Variants in FAM227B observed in about 807,000 individuals in gnomAD.
FAM227B encodes the protein protein FAM227B.
FAM227B carries 88 observed loss-of-function variants against 73.8 expected under a neutral mutation model. The ratio of observed to expected loss-of-function variants is 1.19; its 90% CI spans 1.00 to 1.42. The LOEUF (loss-of-function observed/expected upper bound fraction) is 1.42, where lower values mean the gene tolerates loss of function less well. FAM227B is among the 40% of genes most tolerant of loss of function. The pLI is 0.00. For synonymous variants in FAM227B, 210 were observed against 190.5 expected (o/e 1.10, Z -0.84); for missense variants, 632 against 590.9 (o/e 1.07, Z -0.72).
rs1480379717 is a variant in FAM227B, at chr15:49,577,675, T to C, written c.406-11A>G. Reference sequence around the variant, plus strand: ...CATTTCATCTGAAAGCTGGAAAACATTTTAAATAAACTCTTTAAAACTCTA... The same window carrying C: ...CATTTCATCTGAAAGCTGGAAAACACTTTAAATAAACTCTTTAAAACTCTA... On this transcript the variant is annotated splice_polypyrimidine_tract_variant and intron_variant, in intron 5 of 15. Transcript: ENST00000299338. The C allele has an allele frequency of 2.6e-6, 4 of 1,526,248 alleles. No individual in the cohort carries two copies. The African/African-American group carries it at 5.6e-5, about 21-fold the overall frequency. 94.5% of individuals were successfully genotyped at this position (1,526,248 alleles called of 1,614,324 possible). A position where few individuals can be genotyped will look rare whatever the true frequency, so the allele number is the denominator to read the frequency against.
intron 11 of FAM227B, among the ~76,000 whole-genome samples, chr15:49,471,436 T>C (rs987510402): frequency 6.6e-6 from 1 of 150,916 alleles, no homozygotes; most frequent in Non-Finnish European, 1.5e-5. Context: ...TGCACCTAGA[T>C]GGCGCCACTG....
intron 9 of FAM227B, among the ~76,000 whole-genome samples, chr15:49,546,064 C>T (rs4461017): frequency 0.33 from 49,672 of 151,560 alleles, 8,909 homozygotes; most frequent in African/African-American, 0.46. Context: ...CCCATTAACT[C>T]GTCATTTAGC....
chr15:49,337,486 G>A (rs2039934624), intron 13 of FAM227B, among the ~76,000 whole-genome samples: 1 of 21,522 alleles, frequency 4.6e-5, no homozygotes, highest in Non-Finnish European at 1.1e-4. Flanking sequence ...CACTTGCAAT[G>A]TCTGTTCATA....
rs115428115 is a variant in FAM227B, at chr15:49,341,840, A to G, written c.1272-6344T>C. 2.0e-3 allele frequency among the ~76,000 whole-genome samples: 302 copies of G among 152,144 alleles called. 3 individuals carry two copies. Among genetic ancestry groups the G allele is most frequent in the African/African-American group, 7.0e-3 (290 of 41,508 alleles). ...GGGCAATTTGTTTGATTTTCATTCA[A>G]TTGTGTGGTTTTGGGAAATCTTTTT... On this transcript the variant is annotated intron_variant, in intron 13 of 15. Transcript: ENST00000299338.
intron 11 of FAM227B, among the ~76,000 whole-genome samples, chr15:49,447,378 A>C (rs1213565859): frequency 5.9e-5 from 9 of 151,672 alleles, no homozygotes; most frequent in Admixed American, 5.3e-4. Flanking sequence ...GAAGTAAGCA[A>C]AGATCACAGA....
chr15:49,357,778 C>A (rs2043432410), intron 13 of FAM227B, among the ~76,000 whole-genome samples: 1 of 151,830 alleles, frequency 6.6e-6, no homozygotes, highest in African/African-American at 2.4e-5. Context: ...AGCAGAGACA[C>A]AACAAAAAAA....
intron 12 of FAM227B, among the ~76,000 whole-genome samples, chr15:49,369,075 C>T (rs961537668): frequency 5.3e-5 from 8 of 152,116 alleles, no homozygotes; most frequent in African/African-American, 1.9e-4. Context: ...TCTCCTGCCT[C>T]AGCCTTCCGA....
chr15:49,513,773 T>A (rs2059182255), intron 10 of FAM227B, among the ~76,000 whole-genome samples: 1 of 152,184 alleles, frequency 6.6e-6, no homozygotes, highest in Admixed American at 6.5e-5. Flanking sequence ...TATATTTTTA[T>A]ATAAGGTATA....
At chr15:49,577,433 G>T in intron 6 of FAM227B, 196 bp downstream of exon 6, 1 of 466,840 alleles carries the variant, frequency 2.1e-6, no homozygotes, top group Non-Finnish European at 3.9e-6. Context: ...AAACTCAAAT[G>T]ATCAAGAATT....
intron 11 of FAM227B, among the ~76,000 whole-genome samples, chr15:49,427,680 G>C (rs923452148): frequency 5.3e-5 from 8 of 151,974 alleles, no homozygotes; most frequent in Admixed American, 5.3e-4. Flanking sequence ...ATAGGCTTCA[G>C]AGGACTACTC....
chr15:49,491,546 G>A (rs569087330), intron 11 of FAM227B, among the ~76,000 whole-genome samples: 1 of 151,912 alleles, frequency 6.6e-6, no homozygotes, highest in African/African-American at 2.4e-5. Context: ...CCACTGCTTA[G>A]AATATCTCTA....
At chr15:49,558,416 C>G (rs1687586619) in intron 9 of FAM227B, among the ~76,000 whole-genome samples, 1 of 152,194 alleles carries the variant, frequency 6.6e-6, no homozygotes, top group Admixed American at 6.5e-5. Context: ...TGCAAGTGTG[C>G]CATGTGCCCC....
intron 11 of FAM227B, chr15:49,487,852 T>C (rs1203051272): frequency 6.6e-6 from 1 of 151,992 alleles, no homozygotes; most frequent in Non-Finnish European, 1.5e-5. Flanking sequence ...GCAAAATTGA[T>C]ACATCAGAAT....
At chr15:49,341,268 GT>G (rs1567106021) in intron 13 of FAM227B, among the ~76,000 whole-genome samples, 1 of 152,072 alleles carries the variant, frequency 6.6e-6, no homozygotes, top group South Asian at 2.1e-4. Flanking sequence ...TTTTAGAATA[GT>G]TTTTTTCTAA....
At chr15:49,498,854 A>G (rs564252639) in intron 11 of FAM227B, among the ~76,000 whole-genome samples, 1 of 152,158 alleles carries the variant, frequency 6.6e-6, no homozygotes, top group East Asian at 1.9e-4. Flanking sequence ...TAAAACAACA[A>G]TAATCAAAAA....
intron 11 of FAM227B, among the ~76,000 whole-genome samples, chr15:49,479,780 A>C (rs62009977): frequency 0.25 from 37,822 of 151,618 alleles, 5,671 homozygotes; most frequent in Non-Finnish European, 0.35. Flanking sequence ...TGCCTGGCTA[A>C]TTTTTGTATT....
chr15:49,484,146 T>A (rs931417483), intron 11 of FAM227B, among the ~76,000 whole-genome samples: 2 of 152,080 alleles, frequency 1.3e-5, no homozygotes, highest in African/African-American at 4.8e-5. Context: ...GCAAATATAC[T>A]ACATAAGTAT....
At chr15:49,520,464 A>G (rs944853868) in intron 10 of FAM227B, among the ~76,000 whole-genome samples, 1 of 152,134 alleles carries the variant, frequency 6.6e-6, no homozygotes, top group Non-Finnish European at 1.5e-5. Flanking sequence ...GTGCCAATTT[A>G]CTGTATTAGT....
chr15:49,537,043 C>A (rs2070376053), intron 10 of FAM227B, among the ~76,000 whole-genome samples: 1 of 152,016 alleles, frequency 6.6e-6, no homozygotes, highest in Non-Finnish European at 1.5e-5. Flanking sequence ...ATAGCTTGGG[C>A]TACAATAGCA....
Sources: gnomAD v4.1 joint callset for allele counts (sites outside exome capture counted in the v4.1 genomes callset) on GRCh38, gnomAD v4.1.1 for gene constraint, MANE v1.5 for transcripts, NCBI Gene and HGNC (gene_info 2026-07-23, HGNC 2026-07-21) for gene names.